The following CHD9 variants were observed in gnomAD, a reference collection of about 807,000 sequenced individuals.
CHD9 encodes chromodomain helicase DNA binding protein 9, also known as ATP-dependent chromatin remodeler CHD9.
A neutral mutation model predicts 316.1 loss-of-function variants in CHD9; 77 were observed. That is an observed-to-expected ratio of 0.24 (90% CI 0.20 to 0.29). CHD9 has a LOEUF of 0.29. Ranked by LOEUF, CHD9 falls within the 10% of genes least tolerant of loss-of-function variation. CHD9 has a pLI of 1.00. For missense variants in CHD9, 2,763 were observed against 3,438.1 expected (o/e 0.80, Z 4.91); for synonymous variants, 1,129 against 1,158.3 (o/e 0.97, Z 0.51).
At chr16:53,072,959 T>C (rs1025873341) in intron 1 of CHD9, among the ~76,000 whole-genome samples, 1 of 152,118 alleles carries the variant, frequency 6.6e-6, no homozygotes, top group African/African-American at 2.4e-5. Flanking sequence ...TCTCCCAAAG[T>C]GCTGAGATTA....
Position 53,301,889 on chromosome 16 carries a change from C to T in CHD9, c.5714-1831C>T, listed in dbSNP as rs137926816. Reference sequence around the variant, plus strand: ...ATGCCATTCTCCTGCCTCAGCCTCCCGAGTAGCTGGGACTACAGGTGGCTG... The same window carrying T: ...ATGCCATTCTCCTGCCTCAGCCTCCTGAGTAGCTGGGACTACAGGTGGCTG... On this transcript the variant is annotated intron_variant, in intron 30 of 38. Coordinates refer to ENST00000447540, the MANE Select transcript of CHD9 (RefSeq NM_001308319.2). Among the ~76,000 whole-genome samples the T allele has an allele frequency of 8.8e-4, 134 of 151,872 alleles. 1 individual carries two copies. The highest frequency in any genetic ancestry group is 3.4e-3 in the Middle Eastern group (1 of 294).
chr16:53,188,600 AC>A (rs2044226313), intron 2 of CHD9, among the ~76,000 whole-genome samples: 1 of 83,262 alleles, frequency 1.2e-5, no homozygotes, highest in African/African-American at 5.0e-5. Context: ...ACTGGTCATT[AC>A]CTTTTTTTTT....
At chr16:53,166,240 C>G (rs183052852) in intron 2 of CHD9, among the ~76,000 whole-genome samples, 5 of 152,208 alleles carry the variant, frequency 3.3e-5, no homozygotes, top group African/African-American at 7.2e-5. Context: ...CTTTGTACTG[C>G]CTGTCAGGAA....
At chr16:53,276,776 C>T (rs1193062184) in intron 24 of CHD9, among the ~76,000 whole-genome samples, 1 of 152,058 alleles carries the variant, frequency 6.6e-6, no homozygotes, top group East Asian at 1.9e-4. Flanking sequence ...AGGAAAAAAC[C>T]TCTCTCAGTA....
intron 1 of CHD9, among the ~76,000 whole-genome samples, chr16:53,135,288 C>A (rs962861964): frequency 6.6e-6 from 1 of 152,144 alleles, no homozygotes; most frequent in Non-Finnish European, 1.5e-5. Context: ...ACAGGTTTTA[C>A]TAAAGACATT....
intron 27 of CHD9, 94 bp from the exon 28 acceptor site, chr16:53,291,631 G>A: frequency 1.3e-6 from 1 of 780,964 alleles, no homozygotes; most frequent in East Asian, 2.9e-5. Context: ...GGGGAGAAAA[G>A]CTCTCTGTTA....
At chr16:53,084,469 G>T (rs906603457) in intron 1 of CHD9, among the ~76,000 whole-genome samples, 26 of 152,334 alleles carry the variant, frequency 1.7e-4, no homozygotes, top group Non-Finnish European at 3.2e-4. Context: ...GCCTGGCAGG[G>T]TGCGGTGGCT....
intron 1 of CHD9, among the ~76,000 whole-genome samples, chr16:53,065,983 G>T (rs2033464407): frequency 6.6e-6 from 1 of 152,132 alleles, no homozygotes; most frequent in South Asian, 2.1e-4. Context: ...CACAGATGTT[G>T]CGTGCAGTTC....
At chr16:53,094,019 G>C (rs558048347) in intron 1 of CHD9, among the ~76,000 whole-genome samples, 29 of 152,308 alleles carry the variant, frequency 1.9e-4, no homozygotes, top group African/African-American at 7.0e-4. Flanking sequence ...TGGGGGCCTG[G>C]AGGAGACTTT....
chr16:53,082,236 A>G (rs2035092713), intron 1 of CHD9, among the ~76,000 whole-genome samples: 1 of 151,046 alleles, frequency 6.6e-6, no homozygotes, highest in Non-Finnish European at 1.5e-5. Context: ...TTATTTATTT[A>G]TTTATTTATT....
chr16:53,149,006 A>G (rs1312864392), intron 1 of CHD9, among the ~76,000 whole-genome samples: 1 of 151,898 alleles, frequency 6.6e-6, no homozygotes. Context: ...TTTCCTCGTT[A>G]TTTCTTCTTA....
intron 1 of CHD9, among the ~76,000 whole-genome samples, chr16:53,069,165 C>A (rs1357885504): frequency 6.6e-6 from 1 of 152,066 alleles, no homozygotes; most frequent in African/African-American, 2.4e-5. Context: ...CCACCACGCC[C>A]AGCTAATTTT....
At chr16:53,270,140 G>A (rs974666091) in intron 22 of CHD9, among the ~76,000 whole-genome samples, 9 of 150,430 alleles carry the variant, frequency 6.0e-5, no homozygotes, top group African/African-American at 2.0e-4. Context: ...GAGTACAGGC[G>A]TGTACCATCA....
chr16:53,139,242 G>A (rs8055523), intron 1 of CHD9, among the ~76,000 whole-genome samples: 42,703 of 152,004 alleles, frequency 0.28, 6,092 homozygotes, highest in Middle Eastern at 0.32. Flanking sequence ...GTGAAGGCTT[G>A]AGGGGAGAGA....
intron 13 of CHD9, among the ~76,000 whole-genome samples, chr16:53,244,192 C>CTTT (rs529369708): frequency 9.6e-5 from 13 of 135,492 alleles, no homozygotes; most frequent in South Asian, 2.3e-4. Flanking sequence ...AAGCATATTT[C>CTTT]TTTTTTTTTT....
intron 1 of CHD9, among the ~76,000 whole-genome samples, chr16:53,067,610 C>G (rs530809396): frequency 6.6e-6 from 1 of 152,208 alleles, no homozygotes; most frequent in South Asian, 2.1e-4. Context: ...AAATACTCCT[C>G]TACTGGAATT....
At chr16:53,208,296 A>T in intron 2 of CHD9, 1 of 1,277,946 alleles carries the variant, frequency 7.8e-7, no homozygotes, top group African/African-American at 1.5e-5. Flanking sequence ...AGCAGAGGGC[A>T]AGCCTTTGTC....
chr16:53,121,345 T>C (rs2152654750), intron 1 of CHD9: 1 of 456,024 alleles, frequency 2.2e-6, no homozygotes, highest in East Asian at 7.0e-5. Flanking sequence ...GAGAAACAGA[T>C]GCACAAAGAG....
intron 1 of CHD9, among the ~76,000 whole-genome samples, chr16:53,137,895 A>G (rs1224387787): frequency 6.6e-6 from 1 of 152,210 alleles, no homozygotes; most frequent in Non-Finnish European, 1.5e-5. Flanking sequence ...TGTGTGAAGA[A>G]TGATGAAATA....
Sources: allele counts gnomAD v4.1 joint callset (sites outside exome capture counted in the v4.1 genomes callset), GRCh38; gene constraint gnomAD v4.1.1; transcripts MANE v1.5; gene names NCBI Gene and HGNC (gene_info 2026-07-23, HGNC 2026-07-21).